The following PPP2R3C variants were observed in gnomAD, a reference collection of about 807,000 sequenced individuals.
PPP2R3C encodes the protein protein phosphatase 2 regulatory subunit B''gamma, also known as serine/threonine-protein phosphatase 2A regulatory subunit B'' subunit gamma.
In PPP2R3C, 47 loss-of-function variants were observed where a neutral mutation model predicts 63.7. That is an observed-to-expected ratio of 0.74 (90% CI 0.58 to 0.94). PPP2R3C has a LOEUF of 0.94. PPP2R3C is among the 40% of genes least tolerant of loss of function. The pLI, the probability that PPP2R3C is intolerant of heterozygous loss-of-function variation, is 0.00. For synonymous variants in PPP2R3C, 180 were observed against 177.4 expected (o/e 1.01, Z -0.12); for missense variants, 421 against 518.4 (o/e 0.81, Z 1.82).
At chr14:35,108,391 C>CTTTT (rs10656897) in intron 4 of PPP2R3C, among the ~76,000 whole-genome samples, 155 bp from the exon 5 acceptor site, 29 of 146,012 alleles carry the variant, frequency 2.0e-4, no homozygotes, top group South Asian at 1.9e-3. Context: ...TTAAGTCAAA[C>CTTTT]TTTTTTTTTT....
Position 35,110,512 on chromosome 14 carries a change from G to T in PPP2R3C, c.291+13C>A, listed in dbSNP as rs1340932669. On this transcript the variant is annotated intron_variant, in intron 3 of 12. Transcript: ENST00000261475. ...TGGTTAACATCTAAAGCAACTTTTT[G>T]CTTTGTTCTTACCTGTAATTCTTCA... The T allele has an allele frequency of 6.5e-7, 1 of 1,541,022 alleles. No homozygotes were observed. Among genetic ancestry groups the T allele is most frequent in the Admixed American group, 1.8e-5 (1 of 54,388 alleles).
At chr14:35,106,704 G>C (rs2046374025) in intron 6 of PPP2R3C, among the ~76,000 whole-genome samples, 1 of 114,344 alleles carries the variant, frequency 8.7e-6, no homozygotes, top group South Asian at 2.7e-4. Context: ...TTTCACTCTT[G>C]TTGCCCAGGC....
At chr14:35,097,762 G>A (rs1230569414) in intron 7 of PPP2R3C, among the ~76,000 whole-genome samples, 1 of 152,226 alleles carries the variant, frequency 6.6e-6, no homozygotes, top group Middle Eastern at 3.4e-3. Context: ...GGGATTACAG[G>A]TGTGAGCCAC....
intron 2 of PPP2R3C, among the ~76,000 whole-genome samples, chr14:35,114,644 A>T (rs950413060): frequency 1.5e-4 from 22 of 151,696 alleles, no homozygotes; most frequent in African/African-American, 4.4e-4. Flanking sequence ...TTTTATTTTT[A>T]TTTTTTTTAA....
chr14:35,105,617 C>T (rs1274876936), intron 6 of PPP2R3C, among the ~76,000 whole-genome samples: 2 of 151,830 alleles, frequency 1.3e-5, no homozygotes, highest in Non-Finnish European at 2.9e-5. Context: ...AACCCCAAAA[C>T]GGAAACATCC....
At position 35,116,605 on chromosome 14, in the gene PPP2R3C, C is replaced by T; in HGVS notation, c.186+5G>A. On this transcript the variant is annotated splice_donor_5th_base_variant and intron_variant, in intron 2 of 12. Coordinates refer to ENST00000261475, the MANE Select transcript of PPP2R3C (RefSeq NM_017917.4). ...CTGCAGGACATTTGATTAGACACTACTTACCCTATAATAAAACCGGGGAAT... is the reference window on the plus strand; with the variant it reads ...CTGCAGGACATTTGATTAGACACTATTTACCCTATAATAAAACCGGGGAAT... 6.3e-7 allele frequency: 1 copy of T among 1,582,738 alleles called. No individual in the cohort carries two copies. The highest frequency in any genetic ancestry group is 8.6e-7 in the Non-Finnish European group (1 of 1,164,936).
In PPP2R3C at chr14:35,109,831, C is replaced by G. The variant is rs2046489783; in HGVS notation, c.392G>C (p.Gly131Ala). Residue 131 changes from glycine to alanine, a missense_variant, in exon 4 of 13, where the codon GGA becomes GCA. By Grantham distance (60) the Gly-to-Ala change is moderately conservative. Transcript: ENST00000261475. ...ATATTATTCTTACTTGCACTTTGCTCCAGCCTTTTCACCAACCTTCAAAAA... is the reference window on the plus strand; with the variant it reads ...ATATTATTCTTACTTGCACTTTGCTGCAGCCTTTTCACCAACCTTCAAAAA... ...ENFLKVGEKA[G>A]AKCKQFFTAK... 6.3e-7 allele frequency: 1 copy of G among 1,583,210 alleles called. No homozygotes were observed. The highest frequency in any genetic ancestry group is 1.3e-5 in the African/African-American group (1 of 74,102).
chr14:35,090,455 G>A (rs527987713), intron 11 of PPP2R3C, among the ~76,000 whole-genome samples: 14 of 151,898 alleles, frequency 9.2e-5, no homozygotes, highest in East Asian at 3.9e-4. Context: ...AGGTTGCGGC[G>A]AGCTATGATC....
intron 9 of PPP2R3C, 48 bp from the exon 10 acceptor site, chr14:35,095,232 A>T (rs745481365): frequency 1.3e-6 from 2 of 1,565,810 alleles, no homozygotes; most frequent in South Asian, 2.3e-5. Context: ...ATAAAATTTT[A>T]ATCAGAAGAA....
At position 35,110,557 on chromosome 14, in the gene PPP2R3C, T is replaced by C; in HGVS notation, c.259A>G (p.Ser87Gly). ...ESRAVFLQRK[S>G]RELLDNEELQ... ...TCTTCATTATCTAACAGTTCTCTGC[T>C]TTTTCTTTGTAGAAAGACAGCTCTT... The change falls in exon 3 of 13, where the codon AGC becomes GGC. Residue 87 changes from serine to glycine, a missense_variant. Transcript: ENST00000261475. 6.2e-7 allele frequency: 1 copy of C among 1,611,934 alleles called. No individual in the cohort carries two copies. The highest frequency in any genetic ancestry group is 8.5e-7 in the Non-Finnish European group (1 of 1,178,868).
chr14:35,092,449 A>T (rs1283367331), intron 10 of PPP2R3C, among the ~76,000 whole-genome samples: 1 of 152,046 alleles, frequency 6.6e-6, no homozygotes, highest in African/African-American at 2.4e-5. Flanking sequence ...CAAATTTTTT[A>T]TCTGGAATGA....
chr14:35,118,687 A>ATT (rs1555316635), intron 1 of PPP2R3C, among the ~76,000 whole-genome samples: 13 of 143,390 alleles, frequency 9.1e-5, no homozygotes, highest in African/African-American at 3.4e-4. Context: ...ACTGAGTCTC[A>ATT]CTGTCACCCA....
chr14:35,091,556 G>A (rs1020056033), intron 10 of PPP2R3C, among the ~76,000 whole-genome samples: 2 of 151,808 alleles, frequency 1.3e-5, no homozygotes, highest in Non-Finnish European at 2.9e-5. Flanking sequence ...TAGTAGAGAT[G>A]GGGTTTCTCC....
chr14:35,091,245 T>C (rs2045806408), intron 10 of PPP2R3C, 38 bp from the exon 11 acceptor site: 2 of 1,527,100 alleles, frequency 1.3e-6, no homozygotes, highest in African/African-American at 1.4e-5. Context: ...GAGGCCTTAG[T>C]TGAAATTAAC....
intron 2 of PPP2R3C, 79 bp from the exon 3 acceptor site, chr14:35,110,708 A>G (rs2138696183): frequency 1.2e-6 from 1 of 859,576 alleles, no homozygotes; most frequent in South Asian, 1.5e-5. Context: ...TCATAAAATA[A>G]CTGTATGCCA....
At chr14:35,088,119 C>T (rs2045669854) in intron 11 of PPP2R3C, 109 bp from the exon 12 acceptor site, 6 of 779,964 alleles carry the variant, frequency 7.7e-6, no homozygotes, top group South Asian at 7.4e-5. Context: ...AGGCCACAAA[C>T]CTCATCATTC....
chr14:35,114,707 G>C (rs1484052151), intron 2 of PPP2R3C, among the ~76,000 whole-genome samples: 1 of 151,898 alleles, frequency 6.6e-6, no homozygotes, highest in Non-Finnish European at 1.5e-5. Flanking sequence ...AAAAAAGATG[G>C]GATGGGCCAG....
At chr14:35,090,711 ATTTTT>A (rs35890780) in intron 11 of PPP2R3C, among the ~76,000 whole-genome samples, 1 of 110,350 alleles carries the variant, frequency 9.1e-6, no homozygotes, top group Non-Finnish European at 1.8e-5. Context: ...GCATCTCACA[ATTTTT>A]TTTTTTTTTT....
At position 35,091,216 on chromosome 14, in the gene PPP2R3C, C is replaced by A. The variant is rs1338038972; in HGVS notation, c.976-9G>T. 1 of 1,592,326 alleles carries A rather than the reference C, an allele frequency of 6.3e-7. No homozygotes were observed. The highest frequency in any genetic ancestry group is 8.5e-7 in the Non-Finnish European group (1 of 1,171,940). ...AAGTAGGTCTTATAGTCCTACAGAACAGAAAATAATGTTCATTAGAGGCCT... is the reference window on the plus strand; with the variant it reads ...AAGTAGGTCTTATAGTCCTACAGAAAAGAAAATAATGTTCATTAGAGGCCT... On this transcript the variant is annotated splice_polypyrimidine_tract_variant and intron_variant, in intron 10 of 12. Transcript: ENST00000261475.
Sources: allele counts gnomAD v4.1 joint callset (sites outside exome capture counted in the v4.1 genomes callset), GRCh38; gene constraint gnomAD v4.1.1; transcripts MANE v1.5; gene names NCBI Gene and HGNC (gene_info 2026-07-23, HGNC 2026-07-21).